SLCO1B1: variants seen among roughly 807,000 people sequenced by gnomAD.
The protein encoded by SLCO1B1 is solute carrier organic anion transporter family member 1B1.
Under a neutral mutation model 70.1 loss-of-function variants are expected in SLCO1B1, and 81 were observed. The ratio of observed to expected loss-of-function variants is 1.16; its 90% CI spans 0.97 to 1.39. SLCO1B1 has a LOEUF of 1.39. Ranked by LOEUF, SLCO1B1 falls within the 40% of genes most tolerant of loss-of-function variation. The pLI is 0.00. For synonymous variants in SLCO1B1, 283 were observed against 271.5 expected (o/e 1.04, Z -0.42); for missense variants, 895 against 799.6 (o/e 1.12, Z -1.44).
rs71581987 is a variant in SLCO1B1, at chr12:21,217,194, C to T, written c.1573C>T (p.Pro525Ser). The change falls in exon 12 of 15, where the codon CCA (proline) becomes TCA (serine). Residue 525 changes from proline to serine, a missense_variant. Coordinates refer to ENST00000256958, the MANE Select transcript of SLCO1B1 (RefSeq NM_006446.5). ...TTACTCAGCCCATTTGGGTGAATGC[C>T]CAAGAGATGATGCTTGTACAAGGAA... is the stretch of plus-strand genomic sequence containing the variant. ...RNYSAHLGEC[P>S]RDDACTRKFY... 155 of 1,613,510 alleles carry T rather than the reference C, an allele frequency of 9.6e-5. No homozygotes were observed. Among genetic ancestry groups the T allele is most frequent in the Non-Finnish European group, 1.3e-4 (152 of 1,179,690 alleles).
chr12:21,184,038 A>AAAAG (rs1007997182), intron 7 of SLCO1B1, among the ~76,000 whole-genome samples: 1 of 149,688 alleles, frequency 6.7e-6, no homozygotes, highest in African/African-American at 2.4e-5. Flanking sequence ...CCATCAGACA[A>AAAAG]AAAGAAAGAA....
At chr12:21,148,559 C>T (rs544412995) in intron 2 of SLCO1B1, among the ~76,000 whole-genome samples, 185 of 152,016 alleles carry the variant, frequency 1.2e-3, no homozygotes, top group Non-Finnish European at 2.0e-3. Flanking sequence ...TGTTCTGTTC[C>T]ATTGGTCTAT....
chr12:21,141,405 G>T, intron 1 of SLCO1B1, 109 bp from the exon 2 acceptor site: 1 of 488,794 alleles, frequency 2.0e-6, no homozygotes, highest in South Asian at 2.2e-5. Context: ...TAGACCCTGA[G>T]TGAATGTTAG....
chr12:21,220,815 T>TG (rs1555097098), intron 12 of SLCO1B1, among the ~76,000 whole-genome samples: 1 of 121,550 alleles, frequency 8.2e-6, no homozygotes, highest in Admixed American at 8.4e-5. Context: ...AAGACTGGTC[T>TG]AAAAAAAAAA....
chr12:21,209,005 A>T (rs143626144), intron 11 of SLCO1B1, among the ~76,000 whole-genome samples: 22 of 151,910 alleles, frequency 1.4e-4, no homozygotes, highest in Non-Finnish European at 2.8e-4. Context: ...GTATGTTGTC[A>T]GTTCTAGGAG....
At position 21,160,075 on chromosome 12, in the gene SLCO1B1, A is replaced by G. The variant is rs111684493; in HGVS notation, c.85-12575A>G. 9.5e-5 allele frequency among the ~76,000 whole-genome samples: 14 copies of G among 147,820 alleles called. 1 individual carries two copies. Among genetic ancestry groups the G allele is most frequent in the Admixed American group, 2.7e-4 (4 of 14,656 alleles). ...AATTTATAGGTTCAGTGCTATTCCT[A>G]TTAAACTACCAGCAATATTCTTCAC... On this transcript the variant is annotated intron_variant, in intron 2 of 14. Coordinates refer to ENST00000256958, the MANE Select transcript of SLCO1B1 (RefSeq NM_006446.5).
In SLCO1B1 at chr12:21,179,006, G is replaced by A. The variant is rs374113543; in HGVS notation, c.713G>A (p.Gly238Glu). The A allele has an allele frequency of 3.2e-5, 52 of 1,602,424 alleles. No homozygotes were observed. The highest frequency in any genetic ancestry group is 4.1e-5 in the Non-Finnish European group (48 of 1,169,912). ...SLFSKMYVDI[G>E]YVDLSTIRIT... ...TTTTCTAAAATGTACGTGGATATTGGATATGTAGATCTAAGTAAGTACAAC... is the reference window on the plus strand; with the variant it reads ...TTTTCTAAAATGTACGTGGATATTGAATATGTAGATCTAAGTAAGTACAAC... Residue 238 changes from glycine to glutamate, a missense_variant, in exon 7 of 15, where the codon GGA becomes GAA. Transcript: ENST00000256958.
At chr12:21,145,891 A>G (rs576819890) in intron 2 of SLCO1B1, among the ~76,000 whole-genome samples, 5 of 152,136 alleles carry the variant, frequency 3.3e-5, no homozygotes, top group Admixed American at 1.3e-4. Flanking sequence ...TTTGAAATAT[A>G]TTTTATCAGT....
chr12:21,145,750 A>G (rs146165471), intron 2 of SLCO1B1, among the ~76,000 whole-genome samples: 11 of 152,226 alleles, frequency 7.2e-5, no homozygotes, highest in African/African-American at 2.6e-4. Flanking sequence ...AAGTAGGCAT[A>G]AAATGGTACT....
At chr12:21,133,306 G>T (rs2121019064) in intron 1 of SLCO1B1, among the ~76,000 whole-genome samples, 1 of 152,218 alleles carries the variant, frequency 6.6e-6, no homozygotes, top group African/African-American at 2.4e-5. Flanking sequence ...GGATTGACTT[G>T]GTATGCGGGC....
chr12:21,132,303 C>T (rs905166475), intron 1 of SLCO1B1, among the ~76,000 whole-genome samples: 2 of 152,156 alleles, frequency 1.3e-5, no homozygotes, highest in Non-Finnish European at 2.9e-5. Context: ...CATACGTGTG[C>T]ATGTGTCTTT....
At chr12:21,235,073 C>T (rs1941583129) in intron 14 of SLCO1B1, among the ~76,000 whole-genome samples, 1 of 147,336 alleles carries the variant, frequency 6.8e-6, no homozygotes, top group African/African-American at 2.5e-5. Flanking sequence ...GAGTCTACTT[C>T]AAGTCGAATT....
chr12:21,158,671 G>C (rs1277330766), intron 2 of SLCO1B1, among the ~76,000 whole-genome samples: 1 of 151,998 alleles, frequency 6.6e-6, no homozygotes, highest in Non-Finnish European at 1.5e-5. Flanking sequence ...TCCAGCCTTG[G>C]GGGAAGAGTA....
At chr12:21,214,256 CTGTT>C (rs1941327021) in intron 11 of SLCO1B1, among the ~76,000 whole-genome samples, 1 of 151,958 alleles carries the variant, frequency 6.6e-6, no homozygotes, top group Non-Finnish European at 1.5e-5. Context: ...GATGTCGTTT[CTGTT>C]TGTTAGTTTT....
chr12:21,156,834 A>G (rs1288375852), intron 2 of SLCO1B1, among the ~76,000 whole-genome samples: 1 of 152,210 alleles, frequency 6.6e-6, no homozygotes, highest in African/African-American at 2.4e-5. Flanking sequence ...AGAACAAGCA[A>G]CTTGGTGCTC....
At chr12:21,190,115 T>G (rs1396464357) in intron 7 of SLCO1B1, among the ~76,000 whole-genome samples, 1 of 152,164 alleles carries the variant, frequency 6.6e-6, no homozygotes, top group Non-Finnish European at 1.5e-5. Flanking sequence ...TGAAGATAGC[T>G]GTTCTCTTAC....
At chr12:21,232,695 G>A (rs1941551790) in intron 14 of SLCO1B1, among the ~76,000 whole-genome samples, 1 of 136,736 alleles carries the variant, frequency 7.3e-6, no homozygotes. Context: ...CACACACAGA[G>A]AGAGAGAGAG....
At chr12:21,234,522 C>T (rs892385075) in intron 14 of SLCO1B1, among the ~76,000 whole-genome samples, 1 of 151,950 alleles carries the variant, frequency 6.6e-6, no homozygotes, top group Admixed American at 6.6e-5. Context: ...GTTTTAAACT[C>T]GAAGCTATAA....
At chr12:21,154,023 A>G (rs148467227) in intron 2 of SLCO1B1, among the ~76,000 whole-genome samples, 5 of 151,994 alleles carry the variant, frequency 3.3e-5, no homozygotes, top group African/African-American at 1.2e-4. Flanking sequence ...TTCTACACTT[A>G]TGTTTATTGT....
Sources: allele counts gnomAD v4.1 joint callset (sites outside exome capture counted in the v4.1 genomes callset), GRCh38; gene constraint gnomAD v4.1.1; transcripts MANE v1.5; gene names NCBI Gene and HGNC (gene_info 2026-07-23, HGNC 2026-07-21).